The following KIAA1217 variants were observed in gnomAD, a reference collection of about 807,000 sequenced individuals.
KIAA1217 encodes KIAA1217.
KIAA1217 carries 88 observed loss-of-function variants against 163.9 expected under a neutral mutation model. The observed-to-expected ratio is 0.54, with a 90% CI of 0.45 to 0.64. The LOEUF (loss-of-function observed/expected upper bound fraction) is 0.64. KIAA1217 is among the 30% of genes least tolerant of loss of function. The probability of loss-of-function intolerance (pLI) is 0.00; values close to 1 mark genes in which losing one functional copy is unlikely to be tolerated. For synonymous variants in KIAA1217, 903 were observed against 923.1 expected, an observed-to-expected ratio of 0.98 and a Z score of 0.39; for missense variants, 2,372 against 2,475.0, an observed-to-expected ratio of 0.96 and a Z score of 0.88.
chr10:24,194,111 C>T (rs1208013211), intron 2 of KIAA1217, among the ~76,000 whole-genome samples: 5 of 151,960 alleles, frequency 3.3e-5, no homozygotes, highest in East Asian at 1.9e-4. Flanking sequence ...CACTTGAACC[C>T]GGCAGGCAGA....
intron 3 of KIAA1217, among the ~76,000 whole-genome samples, chr10:24,406,536 C>T (rs1414314010): frequency 6.6e-6 from 1 of 152,122 alleles, no homozygotes; most frequent in Non-Finnish European, 1.5e-5. Flanking sequence ...CCCTCTGGGT[C>T]TATCAGTCTT....
At chr10:23,765,152 G>C (rs115772501) in intron 1 of KIAA1217, among the ~76,000 whole-genome samples, 452 of 142,606 alleles carry the variant, frequency 3.2e-3, no homozygotes, top group African/African-American at 0.011. Flanking sequence ...CTGTTGGTTA[G>C]AAAATTTTTT....
At chr10:23,832,248 A>C (rs1838238992) in intron 1 of KIAA1217, among the ~76,000 whole-genome samples, 3 of 152,202 alleles carry the variant, frequency 2.0e-5, no homozygotes, top group Non-Finnish European at 4.4e-5. Context: ...GAACTCAGGG[A>C]AACACAATTA....
intron 3 of KIAA1217, among the ~76,000 whole-genome samples, chr10:24,393,676 A>G (rs541293879): frequency 6.6e-6 from 1 of 151,914 alleles, no homozygotes; most frequent in South Asian, 2.1e-4. Context: ...GTAGGTCTTA[A>G]TCCGATATGA....
intron 1 of KIAA1217, among the ~76,000 whole-genome samples, chr10:23,821,421 A>C (rs143846085): frequency 1.3e-5 from 2 of 152,156 alleles, no homozygotes; most frequent in African/African-American, 4.8e-5. Flanking sequence ...AAAAGAATGC[A>C]TGCAAACCAC....
intron 2 of KIAA1217, among the ~76,000 whole-genome samples, chr10:24,059,368 G>T (rs1270167171): frequency 6.6e-6 from 1 of 152,040 alleles, no homozygotes; most frequent in Non-Finnish European, 1.5e-5. Flanking sequence ...TGTGGCTTTG[G>T]TATGAAGATA....
At chr10:24,275,203 A>G (rs2077150031) in intron 2 of KIAA1217, among the ~76,000 whole-genome samples, 1 of 152,154 alleles carries the variant, frequency 6.6e-6, no homozygotes, top group Non-Finnish European at 1.5e-5. Flanking sequence ...GCTGGTCTTG[A>G]ACTCCTGTCA....
chr10:24,260,403 G>A (rs951737980), intron 2 of KIAA1217, among the ~76,000 whole-genome samples: 6 of 151,902 alleles, frequency 3.9e-5, no homozygotes, highest in Non-Finnish European at 7.4e-5. Context: ...TGCCATAATC[G>A]ACATTTCAGT....
At chr10:23,888,342 T>G (rs1841272804) in intron 1 of KIAA1217, among the ~76,000 whole-genome samples, 1 of 151,958 alleles carries the variant, frequency 6.6e-6, no homozygotes, top group African/African-American at 2.4e-5. Flanking sequence ...TTCAAATTGC[T>G]TTTTCCTTCT....
chr10:24,292,443 G>C (rs1564416782), intron 2 of KIAA1217, among the ~76,000 whole-genome samples: 1 of 152,104 alleles, frequency 6.6e-6, no homozygotes, highest in Non-Finnish European at 1.5e-5. Context: ...TTACAGGAAG[G>C]CCATTTGCCT....
At chr10:23,868,840 CATATTTTTGA>C (rs1370850011) in intron 1 of KIAA1217, among the ~76,000 whole-genome samples, 1 of 152,058 alleles carries the variant, frequency 6.6e-6, no homozygotes, top group African/African-American at 2.4e-5. Context: ...TATCCTTTCC[CATATTTTTGA>C]ATATTTGAAA....
chr10:24,293,396 C>T (rs543072066), intron 2 of KIAA1217, among the ~76,000 whole-genome samples: 1 of 152,236 alleles, frequency 6.6e-6, no homozygotes, highest in South Asian at 2.1e-4. Flanking sequence ...ATGGCAATAA[C>T]CAAATGAACT....
At chr10:23,932,344 A>ATTCG (rs1564543479) in intron 1 of KIAA1217, among the ~76,000 whole-genome samples, 1 of 152,204 alleles carries the variant, frequency 6.6e-6, no homozygotes, top group African/African-American at 2.4e-5. Flanking sequence ...TCATTCATTC[A>ATTCG]TCAACTATTT....
intron 3 of KIAA1217, among the ~76,000 whole-genome samples, chr10:24,409,494 T>G (rs2057544652): frequency 6.6e-6 from 1 of 152,166 alleles, no homozygotes; most frequent in Admixed American, 6.5e-5. Flanking sequence ...CATTTTAGGG[T>G]GATGCAGATA....
At chr10:24,298,502 A>G (rs2040884797) in intron 2 of KIAA1217, among the ~76,000 whole-genome samples, 1 of 152,198 alleles carries the variant, frequency 6.6e-6, no homozygotes, top group South Asian at 2.1e-4. Context: ...AAAGGGTTAG[A>G]AATAGGAGTA....
intron 1 of KIAA1217, among the ~76,000 whole-genome samples, chr10:23,901,279 A>G (rs1841944233): frequency 1.3e-5 from 2 of 152,124 alleles, no homozygotes; most frequent in Non-Finnish European, 2.9e-5. Flanking sequence ...TGACCAAGGA[A>G]GTTCAATGTC....
intron 9 of KIAA1217, among the ~76,000 whole-genome samples, chr10:24,503,088 C>T (rs1023108899): frequency 1.2e-4 from 18 of 152,206 alleles, no homozygotes; most frequent in Admixed American, 3.3e-4. Flanking sequence ...ATCGGTTCTG[C>T]TTCTTCAGCA....
intron 2 of KIAA1217, among the ~76,000 whole-genome samples, chr10:24,083,632 G>C (rs2061604380): frequency 6.6e-6 from 1 of 152,114 alleles, no homozygotes; most frequent in Non-Finnish European, 1.5e-5. Flanking sequence ...GGAGTACTTT[G>C]ACACACATTT....
intron 2 of KIAA1217, among the ~76,000 whole-genome samples, chr10:24,238,832 A>C (rs184820181): frequency 6.6e-6 from 1 of 152,260 alleles, no homozygotes; most frequent in African/African-American, 2.4e-5. Flanking sequence ...TTAGACAGGG[A>C]GGGGCAGATT....
Sources: gnomAD v4.1 joint callset for allele counts (sites outside exome capture counted in the v4.1 genomes callset) on GRCh38, gnomAD v4.1.1 for gene constraint, MANE v1.5 for transcripts, NCBI Gene and HGNC (gene_info 2026-07-23, HGNC 2026-07-21) for gene names.